The following BCAS1 variants were observed in gnomAD, a reference collection of about 807,000 sequenced individuals.
BCAS1 encodes the protein brain enriched myelin associated protein 1.
Under a neutral mutation model 65.4 loss-of-function variants are expected in BCAS1, and 46 were observed. That is an observed-to-expected ratio of 0.70 (90% confidence interval 0.55 to 0.90). BCAS1 has a LOEUF of 0.90. Ranked by LOEUF, BCAS1 falls within the 40% of genes least tolerant of loss-of-function variation. BCAS1 has a pLI of 0.00. For missense variants in BCAS1, 793 were observed against 771.2 expected, an observed-to-expected ratio of 1.03 and a Z score of -0.33; for synonymous variants, 298 against 293.5, an observed-to-expected ratio of 1.02 and a Z score of -0.16.
rs1391284796 is a variant in BCAS1, at chr20:54,041,908, C to CAAAAAAGAA, written c.143-12937_143-12936insTTCTTTTTT. Among the ~76,000 whole-genome samples, 10 of 67,364 alleles carry CAAAAAAGAA rather than the reference C, an allele frequency of 1.5e-4. 2 individuals are homozygous for CAAAAAAGAA. The highest frequency in any genetic ancestry group is 0.011 in the Middle Eastern group (1 of 92). 44.2% of individuals were successfully genotyped at this position (67,364 alleles called of 152,430 possible). A position where few individuals can be genotyped will look rare whatever the true frequency, so the allele number is the denominator to read the frequency against. Reference sequence around the variant, plus strand: ...AGTTCAGAGTGAGACTCTGTCTCCCCCAAAAAAAAAAAAAAAAAAAAAAGA... The same window carrying CAAAAAAGAA: ...AGTTCAGAGTGAGACTCTGTCTCCCCAAAAAAGAACAAAAAAAAAAAAAAAAAAAAAAGA... On this transcript the variant is annotated intron_variant, in intron 3 of 12. Transcript: ENST00000688948.
chr20:54,043,681 T>A (rs917824671), intron 3 of BCAS1, among the ~76,000 whole-genome samples: 6 of 152,186 alleles, frequency 3.9e-5, no homozygotes, highest in Non-Finnish European at 8.8e-5. Context: ...CGGGAGGGGT[T>A]GTGGGAACAG....
rs74682048 is a variant in BCAS1, at chr20:53,984,024, T to C, written c.1275+1263A>G. On this transcript the variant is annotated intron_variant, in intron 8 of 12. Transcript: ENST00000688948. ...GAACCATTATTTATGTAATACTGTC[T>C]TTTTATTAGATTCCTTTTTAAACAA... is the stretch of plus-strand genomic sequence containing the variant. Among the ~76,000 whole-genome samples, 2 of 148,958 alleles carry C rather than the reference T, an allele frequency of 1.3e-5. 1 individual carries two copies. The highest frequency in any genetic ancestry group is 4.3e-4 in the South Asian group (2 of 4,700).
intron 12 of BCAS1, among the ~76,000 whole-genome samples, chr20:53,952,238 A>G (rs1486379783): frequency 2.0e-5 from 3 of 152,350 alleles, no homozygotes; most frequent in Non-Finnish European, 2.9e-5. Flanking sequence ...TCCTTTGTCT[A>G]TCAAGCACCT....
At chr20:54,018,056 A>G (rs1213726481) in intron 4 of BCAS1, among the ~76,000 whole-genome samples, 1 of 152,238 alleles carries the variant, frequency 6.6e-6, no homozygotes, top group African/African-American at 2.4e-5. Context: ...ATTAGGTTGC[A>G]GACTTTCTAA....
At chr20:54,066,372 G>A (rs868298958) in intron 1 of BCAS1, among the ~76,000 whole-genome samples, 5 of 152,198 alleles carry the variant, frequency 3.3e-5, no homozygotes, top group Admixed American at 6.5e-5. Flanking sequence ...GGGCCCGGCC[G>A]AGGCAGGTAT....
At position 54,017,675 on chromosome 20, in the gene BCAS1, T is replaced by C. The variant is rs557469897; in HGVS notation, c.723+10717A>G. Among the ~76,000 whole-genome samples, 451 of 152,170 alleles carry C rather than the reference T, an allele frequency of 3.0e-3. 2 individuals carry two copies. Among genetic ancestry groups the C allele is most frequent in the African/African-American group, 0.01 (433 of 41,516 alleles). On this transcript the variant is annotated intron_variant, in intron 4 of 12. Coordinates refer to ENST00000688948, the MANE Select transcript of BCAS1 (RefSeq NM_001366298.2). The stretch of plus-strand genomic sequence containing the variant: ...CCTCCCAAACTGCTGAAATTATAGG[T>C]GTGAGCCACCACGCCCGGCCAATAT...
In BCAS1 at chr20:53,985,385, G is replaced by T; in HGVS notation, c.1177C>A (p.His393Asn). 1 of 1,614,044 alleles carries T rather than the reference G, an allele frequency of 6.2e-7. No individual in the cohort carries two copies. The highest frequency in any genetic ancestry group is 8.5e-7 in the Non-Finnish European group (1 of 1,179,974). ...KNSKGCNPSGHTQSVTTPEPA... is the reference protein window; with the variant it reads ...KNSKGCNPSGNTQSVTTPEPA... Reference sequence around the variant, plus strand: ...TCAGGGGTTGTCACGGACTGTGTGTGCCCCGATGGGTTGCATCCTTTGGAA... The same window carrying T: ...TCAGGGGTTGTCACGGACTGTGTGTTCCCCGATGGGTTGCATCCTTTGGAA... The change falls in exon 8 of 13, where the codon CAC (histidine) becomes AAC (asparagine). Residue 393 changes from histidine (H) to asparagine (N), a missense_variant. Coordinates refer to ENST00000688948, the MANE Select transcript of BCAS1 (RefSeq NM_001366298.2).
chr20:53,966,851 C>A, intron 10 of BCAS1, 55 bp downstream of exon 10: 1 of 1,518,738 alleles, frequency 6.6e-7, no homozygotes. Flanking sequence ...GCCCATTGTT[C>A]CCAGAAGCCG....
intron 3 of BCAS1, among the ~76,000 whole-genome samples, chr20:54,032,907 C>G (rs2091831438): frequency 6.6e-6 from 1 of 150,956 alleles, no homozygotes; most frequent in South Asian, 2.1e-4. Flanking sequence ...CAATATTAGA[C>G]AGATCATTGA....
chr20:53,988,921 A>C (rs1034041469), intron 7 of BCAS1, among the ~76,000 whole-genome samples: 1 of 152,218 alleles, frequency 6.6e-6, no homozygotes, highest in Non-Finnish European at 1.5e-5. Context: ...ACTGTTTCCA[A>C]TGAATCAAGG....
intron 11 of BCAS1, among the ~76,000 whole-genome samples, chr20:53,954,265 C>T (rs759449516): frequency 4.2e-5 from 6 of 141,640 alleles, no homozygotes; most frequent in Non-Finnish European, 9.1e-5. Context: ...AAAAGGAAGC[C>T]AACACAGAGA....
intron 8 of BCAS1, among the ~76,000 whole-genome samples, chr20:53,978,878 T>C (rs538557614): frequency 6.6e-6 from 1 of 152,204 alleles, no homozygotes; most frequent in Non-Finnish European, 1.5e-5. Flanking sequence ...AGCTATGCAA[T>C]CTTGAGCAAA....
At chr20:53,963,550 C>T (rs1028188325) in intron 10 of BCAS1, among the ~76,000 whole-genome samples, 11 of 152,018 alleles carry the variant, frequency 7.2e-5, no homozygotes, top group African/African-American at 2.4e-4. Context: ...TTTGGTGAAT[C>T]AAAGCATAGG....
intron 1 of BCAS1, among the ~76,000 whole-genome samples, chr20:54,064,228 G>C (rs2092409367): frequency 6.6e-6 from 1 of 152,172 alleles, no homozygotes; most frequent in Non-Finnish European, 1.5e-5. Flanking sequence ...GGTGGGGCTG[G>C]GCATCGGGGT....
intron 4 of BCAS1, among the ~76,000 whole-genome samples, chr20:54,011,877 T>A (rs1190966590): frequency 6.6e-6 from 1 of 151,986 alleles, no homozygotes; most frequent in African/African-American, 2.4e-5. Flanking sequence ...AATAAATAAA[T>A]AAATAAAACA....
intron 10 of BCAS1, among the ~76,000 whole-genome samples, chr20:53,958,040 A>G (rs78300349): frequency 0.14 from 21,316 of 152,152 alleles, 1,726 homozygotes; most frequent in South Asian, 0.21. Flanking sequence ...ATGGTTCTAG[A>G]AGTATGATTC....
At position 53,943,660 on chromosome 20, in the gene BCAS1, C is replaced by A. The variant is rs955422123; in HGVS notation, c.*1262G>T. On this transcript the variant is annotated 3_prime_UTR_variant, in exon 13 of 13. Transcript: ENST00000688948. ...AATAGACTCAGGGTCCTATTTACTC[C>A]TTTGTACAGGTATTAAAAACAACTC... The A allele has an allele frequency of 3.3e-5, 5 of 152,154 alleles. No homozygotes were observed. 9.4% of individuals were successfully genotyped at this position (152,154 alleles called of 1,614,324 possible).
At chr20:53,948,933 C>A (rs2089423085) in intron 12 of BCAS1, among the ~76,000 whole-genome samples, 1 of 152,188 alleles carries the variant, frequency 6.6e-6, no homozygotes, top group Non-Finnish European at 1.5e-5. Flanking sequence ...AGTGACTGCG[C>A]TGATTGTCAC....
intron 4 of BCAS1, 147 bp downstream of exon 4, chr20:54,028,245 T>C (rs929493916): frequency 2.7e-6 from 2 of 746,756 alleles, no homozygotes; most frequent in Non-Finnish European, 2.3e-6. Context: ...GATGACACTC[T>C]GCTGCAATGT....
Sources: allele counts gnomAD v4.1 joint callset (sites outside exome capture counted in the v4.1 genomes callset), GRCh38; gene constraint gnomAD v4.1.1; transcripts MANE v1.5; gene names NCBI Gene and HGNC (gene_info 2026-07-23, HGNC 2026-07-21).